GMFB: variants seen among roughly 807,000 people sequenced by gnomAD.
GMFB encodes the protein glia maturation factor beta.
Under a neutral mutation model 25.6 loss-of-function variants are expected in GMFB, and 13 were observed. That is an observed-to-expected ratio of 0.51 (90% CI 0.33 to 0.81). GMFB has a LOEUF of 0.81. Among genes scored for constraint, GMFB ranks in the 30% least tolerant of loss-of-function variants. The pLI, the probability that GMFB is intolerant of heterozygous loss-of-function variation, is 0.02. For synonymous variants in GMFB, 57 were observed against 56.9 expected (o/e 1.00, Z 0.00); for missense variants, 146 against 175.4 (o/e 0.83, Z 0.95).
At position 54,478,165 on chromosome 14, in the gene GMFB, A is replaced by T; in HGVS notation, c.358-6T>A. ...GTATTTCTTATTTCAAATACCTTTA[A>T]AAAAAAAAAAAACTTGGGTCATACT... On this transcript the variant is annotated splice_polypyrimidine_tract_variant and splice_region_variant and intron_variant, in intron 6 of 6. Transcript: ENST00000358056. 2.6e-6 allele frequency: 3 copies of T among 1,135,592 alleles called. No homozygotes were observed. The highest frequency in any genetic ancestry group is 3.6e-6 in the Non-Finnish European group (3 of 833,330). 70.3% of individuals were successfully genotyped at this position (1,135,592 alleles called of 1,614,324 possible). A position where few individuals can be genotyped will look rare whatever the true frequency, so the allele number is the denominator to read the frequency against.
intron 4 of GMFB, 31 bp downstream of exon 4, chr14:54,481,378 T>G: frequency 6.8e-7 from 1 of 1,466,734 alleles, no homozygotes; most frequent in Non-Finnish European, 9.6e-7. Context: ...CTAAAGAAAA[T>G]AAATCTTTTA....
At chr14:54,483,264 G>GGTCATATGTA (rs1369189542) in intron 2 of GMFB, 1 of 157,158 alleles carries the variant, frequency 6.4e-6, no homozygotes, top group Non-Finnish European at 1.4e-5. Flanking sequence ...CTGGAATAAT[G>GGTCATATGTA]CCCAAAGTCA....
chr14:54,482,518 GC>G (rs1236393331), intron 2 of GMFB, among the ~76,000 whole-genome samples: 1 of 152,130 alleles, frequency 6.6e-6, no homozygotes, highest in African/African-American at 2.4e-5. Context: ...ATAAGAAAAA[GC>G]CTGAAAGGGT....
intron 1 of GMFB, 78 bp from the exon 2 acceptor site, chr14:54,483,845 T>G (rs770300383): frequency 2.5e-5 from 20 of 792,074 alleles, no homozygotes; most frequent in Non-Finnish European, 3.8e-5. Context: ...ACCTAATACC[T>G]TTATAATGCA....
intron 1 of GMFB, among the ~76,000 whole-genome samples, chr14:54,484,632 A>C (rs944302692): frequency 2.1e-4 from 32 of 152,294 alleles, no homozygotes; most frequent in African/African-American, 7.5e-4. Flanking sequence ...ACTTCTACTC[A>C]AACTATTCAA....
chr14:54,478,092 T>C lies in GMFB; in HGVS notation c.425A>G (p.His142Arg). 7.2e-7 allele frequency: 1 copy of C among 1,388,550 alleles called. No individual in the cohort carries two copies. The highest frequency in any genetic ancestry group is 1.4e-5 in the South Asian group (1 of 72,710). 86.0% of individuals were successfully genotyped at this position (1,388,550 alleles called of 1,614,324 possible). The part of the protein sequence containing the change: ...EWLREKLGFF[H>R] ...TTAGAAACACAGAAGTTCACATTAG[T>C]GAAAAAATCCAAGTTTCTCACGTAA... The change falls in exon 7 of 7, where the codon CAC becomes CGC. Residue 142 changes from histidine to arginine, a missense_variant. His to Arg is a conservative substitution (Grantham distance 29). Transcript: ENST00000358056.
At chr14:54,486,558 C>T (rs542542296) in intron 1 of GMFB, among the ~76,000 whole-genome samples, 1 of 152,118 alleles carries the variant, frequency 6.6e-6, no homozygotes, top group East Asian at 1.9e-4. Context: ...AAATTCTCCA[C>T]TCAACAAAGG....
intron 1 of GMFB, among the ~76,000 whole-genome samples, chr14:54,486,848 T>C (rs984551920): frequency 1.6e-4 from 22 of 138,458 alleles, no homozygotes; most frequent in African/African-American, 5.8e-4. Flanking sequence ...ACTCACTCTC[T>C]TAACCACTAC....
chr14:54,488,870 C>A, intron 1 of GMFB, 55 bp downstream of exon 1: 1 of 1,507,570 alleles, frequency 6.6e-7, no homozygotes, highest in Non-Finnish European at 8.9e-7. Flanking sequence ...CCGGGAAAAC[C>A]CGGCTGGCCG....
chr14:54,486,075 C>T (rs941223170), intron 1 of GMFB, among the ~76,000 whole-genome samples: 2 of 152,098 alleles, frequency 1.3e-5, no homozygotes, highest in Non-Finnish European at 2.9e-5. Context: ...CATGGTGAAA[C>T]CCCGTCTCTA....
chr14:54,479,537 A>G, intron 6 of GMFB: 1 of 401,904 alleles, frequency 2.5e-6, no homozygotes, highest in Non-Finnish European at 4.5e-6. Context: ...TAATAGTTAC[A>G]GTGGCTTTCT....
Position 54,481,132 on chromosome 14 carries a change from C to G in GMFB, c.201-176G>C, listed in dbSNP as rs1414588070. Among the ~76,000 whole-genome samples the G allele has an allele frequency of 3.9e-5, 6 of 152,038 alleles. 1 individual carries two copies. In the South Asian group the frequency reaches 1.0e-3, roughly 26 times the overall value. On this transcript the variant is annotated intron_variant, in intron 4 of 6. Transcript: ENST00000358056. ...TAAGTTATAAAATCACATAATCTCTCAAAAAATTTAACTTTTTAAAGTACA... is the reference window on the plus strand; with the variant it reads ...TAAGTTATAAAATCACATAATCTCTGAAAAAATTTAACTTTTTAAAGTACA...
chr14:54,479,601 A>G, intron 6 of GMFB, 185 bp downstream of exon 6: 1 of 475,450 alleles, frequency 2.1e-6, no homozygotes, highest in Non-Finnish European at 3.8e-6. Context: ...TTCAAAAAAT[A>G]CACTTTGGTT....
At chr14:54,486,768 G>A (rs1594635717) in intron 1 of GMFB, among the ~76,000 whole-genome samples, 2 of 151,994 alleles carry the variant, frequency 1.3e-5, no homozygotes, top group Non-Finnish European at 1.5e-5. Context: ...CTAAGGTTTA[G>A]AGAGGTTAAG....
intron 5 of GMFB, chr14:54,480,080 T>C: frequency 4.8e-6 from 2 of 416,378 alleles, no homozygotes; most frequent in Non-Finnish European, 8.6e-6. Flanking sequence ...TTGGCAAAAA[T>C]AAAGATTCTA....
chr14:54,488,882 C>G (rs2031826796), intron 1 of GMFB, 43 bp downstream of exon 1: 1 of 1,534,308 alleles, frequency 6.5e-7, no homozygotes, highest in Non-Finnish European at 8.8e-7. Context: ...GGCTGGCCGG[C>G]TCGCCCAGCC....
At chr14:54,487,707 C>G (rs1594636200) in intron 1 of GMFB, among the ~76,000 whole-genome samples, 1 of 152,116 alleles carries the variant, frequency 6.6e-6, no homozygotes, top group Non-Finnish European at 1.5e-5. Context: ...GAGTGAAACT[C>G]CGACTCAAAG....
intron 1 of GMFB, among the ~76,000 whole-genome samples, chr14:54,486,014 G>A: frequency 6.6e-6 from 1 of 152,208 alleles, no homozygotes. Flanking sequence ...CACTTTGGGA[G>A]GCCGAGGCGG....
intron 6 of GMFB, 42 bp downstream of exon 6, chr14:54,479,744 G>C (rs764070065): frequency 5.1e-6 from 6 of 1,183,866 alleles, no homozygotes; most frequent in Middle Eastern, 1.9e-4. Context: ...ATAGTCTAAA[G>C]GAAAATATTG....
Sources: gnomAD v4.1 joint callset for allele counts (sites outside exome capture counted in the v4.1 genomes callset) on GRCh38, gnomAD v4.1.1 for gene constraint, MANE v1.5 for transcripts, NCBI Gene and HGNC (gene_info 2026-07-23, HGNC 2026-07-21) for gene names.